Variants in EPHA7 observed in about 807,000 individuals in gnomAD.
EPHA7 encodes the protein EPH receptor A7, also known as ephrin type-A receptor 7.
Under a neutral mutation model 112.6 loss-of-function variants are expected in EPHA7, and 25 were observed. The observed-to-expected ratio is 0.22, with a 90% CI of 0.16 to 0.31. The LOEUF is 0.31. EPHA7 is among the 10% of genes least tolerant of loss of function. The pLI is 1.00. For synonymous variants in EPHA7, 437 were observed against 406.5 expected, an observed-to-expected ratio of 1.07 and a Z score of -0.90; for missense variants, 962 against 1,212.6, an observed-to-expected ratio of 0.79 and a Z score of 3.07.
rs922876702 is a variant in EPHA7 at position 93,268,001 on chromosome 6, G to A, written c.1633+1476C>T. ...GGGTGATATTATGATATAGATCTGA[G>A]TTGAAAATTACTAGAGCACATTTTA... On this transcript the variant is annotated intron_variant, in intron 7 of 16. Coordinates refer to ENST00000369303, the MANE Select transcript of EPHA7 (RefSeq NM_004440.4). Among the ~76,000 whole-genome samples, 3 of 151,738 alleles carry A rather than the reference G, an allele frequency of 2.0e-5. No individual in the cohort carries two copies. The East Asian group carries it at 5.8e-4, about 30-fold the overall frequency.
intron 3 of EPHA7, among the ~76,000 whole-genome samples, chr6:93,365,426 AT>A (rs1219465858): frequency 6.6e-6 from 1 of 152,150 alleles, no homozygotes; most frequent in Non-Finnish European, 1.5e-5. Context: ...GCTTTCAAAT[AT>A]TTGTGTCATA....
intron 3 of EPHA7, among the ~76,000 whole-genome samples, chr6:93,383,219 A>T (rs969079878): frequency 6.6e-6 from 1 of 151,684 alleles, no homozygotes; most frequent in Admixed American, 6.6e-5. Context: ...ATATACATAC[A>T]CATATACATA....
At position 93,255,754 on chromosome 6, in the gene EPHA7, C is replaced by T. The variant is rs141465614; in HGVS notation, c.2382+74G>A. On this transcript the variant is annotated intron_variant, in intron 13 of 16. Coordinates refer to ENST00000369303, the MANE Select transcript of EPHA7 (RefSeq NM_004440.4). ...GCTTCATTTCTCCTGTTTAGTTTTACATTATTAGGTCCTGCTTTCGTGGTA... is the reference window on the plus strand; with the variant it reads ...GCTTCATTTCTCCTGTTTAGTTTTATATTATTAGGTCCTGCTTTCGTGGTA... 1,335 of 1,332,956 alleles carry T rather than the reference C, an allele frequency of 1.0e-3. 12 individuals carry two copies. The African/African-American group carries it at 0.017, about 16-fold the overall frequency. 82.6% of individuals were successfully genotyped at this position (1,332,956 alleles called of 1,614,324 possible). A position where few individuals can be genotyped will look rare whatever the true frequency, so the allele number is the denominator to read the frequency against.
rs773725846 is a variant in EPHA7, at chr6:93,240,409, AAG to A, written c.*3015_*3016del. 3.0e-4 allele frequency: 65 copies of A among 220,118 alleles called. No individual in the cohort carries two copies. Among genetic ancestry groups the A allele is most frequent in the Non-Finnish European group, 5.4e-4 (59 of 109,774 alleles). The allele number at this position is 220,118 out of a possible 1,614,324, so 13.6% of individuals were successfully genotyped here. A position where few individuals can be genotyped will look rare whatever the true frequency, so the allele number is the denominator to read the frequency against. ...TAATTGTCTTAAAAACACGGATAAG[AAG>A]AGCAATTAAAATATAGTCCTAAACA... On this transcript the variant is annotated 3_prime_UTR_variant, in exon 17 of 17. Coordinates refer to ENST00000369303, the MANE Select transcript of EPHA7 (RefSeq NM_004440.4).
intron 14 of EPHA7, among the ~76,000 whole-genome samples, chr6:93,250,230 T>A (rs1016753703): frequency 6.6e-6 from 1 of 152,120 alleles, no homozygotes; most frequent in Non-Finnish European, 1.5e-5. Flanking sequence ...AGATACACCC[T>A]TTGAAACAAA....
intron 5 of EPHA7, among the ~76,000 whole-genome samples, chr6:93,318,310 C>T (rs1204816137): frequency 6.6e-6 from 1 of 151,982 alleles, no homozygotes; most frequent in Non-Finnish European, 1.5e-5. Flanking sequence ...CATAACTTGC[C>T]ACTATGCTGC....
chr6:93,250,124 T>G (rs1337300064), intron 14 of EPHA7, among the ~76,000 whole-genome samples: 1 of 152,110 alleles, frequency 6.6e-6, no homozygotes, highest in Non-Finnish European at 1.5e-5. Flanking sequence ...ATTGGGACTT[T>G]AATAATCTCA....
At chr6:93,409,593 T>C (rs1404778223) in intron 3 of EPHA7, 1 of 151,920 alleles carries the variant, frequency 6.6e-6, no homozygotes, top group Non-Finnish European at 1.5e-5. Context: ...TAAAAATAAA[T>C]ATAGATATAT....
chr6:93,367,174 A>C (rs73755394), intron 3 of EPHA7, among the ~76,000 whole-genome samples: 3,325 of 152,236 alleles, frequency 0.022, 96 homozygotes, highest in African/African-American at 0.075. Flanking sequence ...TATTCTACTA[A>C]AAATCTTCTT....
At chr6:93,300,760 C>T (rs944937940) in intron 5 of EPHA7, among the ~76,000 whole-genome samples, 2 of 152,092 alleles carry the variant, frequency 1.3e-5, no homozygotes, top group South Asian at 4.1e-4. Context: ...TTAATTTGTT[C>T]TGTTGCATGA....
chr6:93,251,128 T>G (rs1033106918), intron 14 of EPHA7, among the ~76,000 whole-genome samples: 5 of 152,122 alleles, frequency 3.3e-5, no homozygotes, highest in African/African-American at 9.6e-5. Flanking sequence ...CCACATTTTA[T>G]GCAATTAAAT....
intron 1 of EPHA7, among the ~76,000 whole-genome samples, chr6:93,417,389 A>G (rs568697140): frequency 1.1e-4 from 17 of 151,460 alleles, no homozygotes; most frequent in African/African-American, 4.1e-4. Context: ...AGCCGGGCGC[A>G]CTCGCCGCCC....
chr6:93,377,413 A>C (rs961018218), intron 3 of EPHA7, among the ~76,000 whole-genome samples: 45 of 151,972 alleles, frequency 3.0e-4, no homozygotes, highest in African/African-American at 9.4e-4. Context: ...ATATTTAAAC[A>C]AAAAAAACCA....
intron 5 of EPHA7, among the ~76,000 whole-genome samples, chr6:93,302,260 C>T (rs1773022957): frequency 6.6e-6 from 1 of 152,084 alleles, no homozygotes; most frequent in Non-Finnish European, 1.5e-5. Flanking sequence ...ATTTTAGTCC[C>T]TAGCTCACTG....
chr6:93,356,943 T>C lies in EPHA7; in HGVS notation c.1098A>G (p.Arg366=). 1 of 1,614,162 alleles carries C rather than the reference T, an allele frequency of 6.2e-7. No homozygotes were observed. Among genetic ancestry groups the C allele is most frequent in the Non-Finnish European group, 8.5e-7 (1 of 1,180,030 alleles). Residue 366 remains arginine (R), a synonymous_variant, in exon 5 of 17, where the codon AGA becomes AGG. Coordinates refer to ENST00000369303, the MANE Select transcript of EPHA7 (RefSeq NM_004440.4). ...CCCAACTGCACCGCTTACACAATAT[T>C]CTGTAGGTCACATCGTTTCTTCCCC... ...DNGGRNDVTY[R]ILCKRCSWEQ...
intron 5 of EPHA7, among the ~76,000 whole-genome samples, chr6:93,323,247 T>C (rs978461342): frequency 3.3e-5 from 5 of 151,704 alleles, no homozygotes; most frequent in Non-Finnish European, 7.4e-5. Flanking sequence ...AGTAAACACA[T>C]GATTCCTTGC....
At position 93,241,412 on chromosome 6, in the gene EPHA7, C is replaced by G. The variant is rs1260726668; in HGVS notation, c.*2014G>C. 9.4e-6 allele frequency: 2 copies of G among 212,654 alleles called. No individual in the cohort carries two copies. The highest frequency in any genetic ancestry group is 5.9e-5 in the Admixed American group (1 of 17,024). The allele number at this position is 212,654 out of a possible 1,614,324, so 13.2% of individuals were successfully genotyped here. A position where few individuals can be genotyped will look rare whatever the true frequency, so the allele number is the denominator to read the frequency against. ...CAGACACTGAAAAATAACCCTCAAG[C>G]ACATTGTGTTATAGTTCCAAAAATA... On this transcript the variant is annotated 3_prime_UTR_variant, in exon 17 of 17. Coordinates refer to ENST00000369303, the MANE Select transcript of EPHA7 (RefSeq NM_004440.4).
At chr6:93,383,659 T>G (rs780605760) in intron 3 of EPHA7, among the ~76,000 whole-genome samples, 3 of 152,186 alleles carry the variant, frequency 2.0e-5, no homozygotes, top group Non-Finnish European at 1.5e-5. Flanking sequence ...GTTTTGATCA[T>G]AAAAATCAGA....
chr6:93,341,343 T>C (rs1380903901), intron 5 of EPHA7, among the ~76,000 whole-genome samples: 2 of 151,766 alleles, frequency 1.3e-5, no homozygotes, highest in Non-Finnish European at 2.9e-5. Context: ...GATCATAAAA[T>C]AAGACTACAA....
Sources: allele counts gnomAD v4.1 joint callset (sites outside exome capture counted in the v4.1 genomes callset), GRCh38; gene constraint gnomAD v4.1.1; transcripts MANE v1.5; gene names NCBI Gene and HGNC (gene_info 2026-07-23, HGNC 2026-07-21).